GFI1: variants seen among roughly 807,000 people sequenced by gnomAD.
GFI1 encodes the protein growth factor independent 1 transcriptional repressor.
GFI1 carries 15 observed loss-of-function variants against 39.2 expected under a neutral mutation model. That is an observed-to-expected ratio of 0.38 (90% confidence interval 0.26 to 0.59). The LOEUF (loss-of-function observed/expected upper bound fraction) is 0.59. GFI1 is among the 20% of genes least tolerant of loss of function. GFI1 has a pLI of 0.62. For synonymous variants in GFI1, 239 were observed against 254.3 expected (o/e 0.94, Z 0.57); for missense variants, 475 against 574.0 (o/e 0.83, Z 1.76).
rs1433003584 is a variant in GFI1, at chr1:92,483,671, G to A, written c.-99-85C>T. ...GGGCACCCAGGCGGAGGGAGAGCGC[G>A]GGCCAGGGAGGCGCGCAGAGGGCCC... On this transcript the variant is annotated intron_variant, in intron 1 of 6. Transcript: ENST00000294702. The A allele has an allele frequency of 6.2e-6, 4 of 649,870 alleles. No homozygotes were observed. The African/African-American group carries it at 7.2e-5, about 12-fold the overall frequency. 40.3% of individuals were successfully genotyped at this position (649,870 alleles called of 1,614,324 possible). A position where few individuals can be genotyped will look rare whatever the true frequency, so the allele number is the denominator to read the frequency against.
rs1025002090 is a variant in GFI1 at position 92,484,469 on chromosome 1, T to A, written c.-99-883A>T. 2 of 151,784 alleles carry A rather than the reference T, an allele frequency of 1.3e-5. No homozygotes were observed. The highest frequency in any genetic ancestry group is 4.8e-5 in the African/African-American group (2 of 41,244). The allele number at this position is 151,784 out of a possible 1,614,324, so 9.4% of individuals were successfully genotyped here. A position where few individuals can be genotyped will look rare whatever the true frequency, so the allele number is the denominator to read the frequency against. ...ACCAAAAAATCTTGTCCTAGGGAGG[T>A]GGAGCCCGATCCACGAACGTTGACT... On this transcript the variant is annotated intron_variant, in intron 1 of 6. Transcript: ENST00000294702. The surrounding 1 kb of genome is among the most constrained non-coding windows in gnomAD (Gnocchi z 4.1).
rs753906711 is a variant in GFI1, at chr1:92,480,697, G to T, written c.690C>A (p.His230Gln). 1.9e-6 allele frequency: 3 copies of T among 1,596,080 alleles called. No homozygotes were observed. The highest frequency in any genetic ancestry group is 1.7e-5 in the Admixed American group (1 of 59,632). Residue 230 changes from histidine to glutamine, a missense_variant, in exon 4 of 7, where the codon CAC becomes CAA. Coordinates refer to ENST00000294702, the MANE Select transcript of GFI1 (RefSeq NM_005263.5). The surrounding 1 kb of genome is among the most constrained non-coding windows in gnomAD (Gnocchi z 5.6). The stretch of plus-strand genomic sequence containing the variant: ...CCTTGACGCCAGCGCCCTTGTCTGC[G>T]TGCAGCCCGTGGCCACGCTCGGGGT... ...LLYPERGHGLHADKGAGVKVE... is the reference protein window; with the variant it reads ...LLYPERGHGLQADKGAGVKVE...
Position 92,480,554 on chromosome 1 carries a change from G to A in GFI1, c.786+47C>T. The A allele has an allele frequency of 6.5e-7, 1 of 1,543,346 alleles. No individual in the cohort carries two copies. The highest frequency in any genetic ancestry group is 8.7e-7 in the Non-Finnish European group (1 of 1,145,420). On this transcript the variant is annotated intron_variant, in intron 4 of 6. Transcript: ENST00000294702. This position sits in a 1 kb window ranked among gnomAD's most constrained non-coding sequence, Gnocchi z 5.6. ...CGGGGCGCAGGCGAGGCGCGGGTAG[G>A]GGAAGCGGGCGCACGGCAGGCGAGG...
chr1:92,485,382 G>A (rs1232784177), intron 1 of GFI1, among the ~76,000 whole-genome samples: 1 of 152,234 alleles, frequency 6.6e-6, no homozygotes, highest in African/African-American at 2.4e-5. Context: ...TTGGACCCAC[G>A]TTGGCTGGGA....
In GFI1 at chr1:92,484,193, A is replaced by G. The variant is rs943797625; in HGVS notation, c.-99-607T>C. 4.2e-4 allele frequency among the ~76,000 whole-genome samples: 64 copies of G among 152,300 alleles called. 2 individuals are homozygous for G. Among genetic ancestry groups the G allele is most frequent in the Admixed American group, 3.9e-3 (60 of 15,298 alleles). The stretch of plus-strand genomic sequence containing the variant: ...AGAGGGATTGGGGACAGCAGAGGCC[A>G]GAGAAAGGAGGTGGGAGAGCAAAGG... On this transcript the variant is annotated intron_variant, in intron 1 of 6. Coordinates refer to ENST00000294702, the MANE Select transcript of GFI1 (RefSeq NM_005263.5). This position sits in a 1 kb window ranked among gnomAD's most constrained non-coding sequence, Gnocchi z 4.1.
rs955458164 is a variant in GFI1, at chr1:92,481,800, T to C, written c.299-712A>G. ...CGGGGAACCTGAATTTCTCAGAGAATAACTATAACTCATAAGGTTTAGCCA... is the reference window on the plus strand; with the variant it reads ...CGGGGAACCTGAATTTCTCAGAGAACAACTATAACTCATAAGGTTTAGCCA... On this transcript the variant is annotated intron_variant, in intron 3 of 6. Coordinates refer to ENST00000294702, the MANE Select transcript of GFI1 (RefSeq NM_005263.5). This position sits in a 1 kb window ranked among gnomAD's most constrained non-coding sequence, Gnocchi z 4.3. Among the ~76,000 whole-genome samples, 1 of 152,128 alleles carries C rather than the reference T, an allele frequency of 6.6e-6. No individual in the cohort carries two copies. The highest frequency in any genetic ancestry group is 2.4e-5 in the African/African-American group (1 of 41,408).
At position 92,483,462 on chromosome 1, in the gene GFI1, C is replaced by A. The variant is rs903626943; in HGVS notation, c.26G>T (p.Ser9Ile). 1 of 1,611,246 alleles carries A rather than the reference C, an allele frequency of 6.2e-7. No individual in the cohort carries two copies. Among genetic ancestry groups the A allele is most frequent in the African/African-American group, 1.3e-5 (1 of 74,844 alleles). The change falls in exon 2 of 7, where the codon AGC becomes ATC. Residue 9 changes from serine to isoleucine, a missense_variant. By Grantham distance (142) the Ser-to-Ile change is moderately radical (BLOSUM62 -2). This residue lies in a region of GFI1 where 275 missense variants were observed against 275.8 expected (regional missense o/e 1.00). Coordinates refer to ENST00000294702, the MANE Select transcript of GFI1 (RefSeq NM_005263.5). MPRSFLVKSKKAHSYHQPR... is the reference protein window; with the variant it reads MPRSFLVKIKKAHSYHQPR... ...CTGGTGGTAGCTGTGAGCCTTCTTGCTTTTGACGAGAAATGAGCGCGGCAT... is the reference window on the plus strand; with the variant it reads ...CTGGTGGTAGCTGTGAGCCTTCTTGATTTTGACGAGAAATGAGCGCGGCAT...
rs1658455011 is a variant in GFI1, at chr1:92,484,929, T to C, written c.-99-1343A>G. ...CTGCAGTCCTCCGGCTTCGCGCTGT[T>C]TCCACTGCCGGACTAGGAGCCCCTC... On this transcript the variant is annotated intron_variant, in intron 1 of 6. Coordinates refer to ENST00000294702, the MANE Select transcript of GFI1 (RefSeq NM_005263.5). This position sits in a 1 kb window ranked among gnomAD's most constrained non-coding sequence, Gnocchi z 4.1. 6.6e-6 allele frequency among the ~76,000 whole-genome samples: 1 copy of C among 152,196 alleles called. No homozygotes were observed. The highest frequency in any genetic ancestry group is 2.4e-5 in the African/African-American group (1 of 41,448).
rs1351430854 is a variant in GFI1 at position 92,480,781 on chromosome 1, G to A, written c.606C>T (p.Asp202=). 8.1e-6 allele frequency: 13 copies of A among 1,599,564 alleles called. No individual in the cohort carries two copies. The highest frequency in any genetic ancestry group is 1.1e-5 in the Non-Finnish European group (13 of 1,177,130). ...TAGPGLGLYG[D]FGSAAAGLYE... Reference sequence around the variant, plus strand: ...ACAGCCCGGCTGCCGCAGACCCGAAGTCGCCGTAGAGCCCTAGGCCAGGGC... The same window carrying A: ...ACAGCCCGGCTGCCGCAGACCCGAAATCGCCGTAGAGCCCTAGGCCAGGGC... The change falls in exon 4 of 7, where the codon GAC becomes GAT. Residue 202 remains aspartate, a synonymous_variant. Coordinates refer to ENST00000294702, the MANE Select transcript of GFI1 (RefSeq NM_005263.5). The surrounding 1 kb of genome is among the most constrained non-coding windows in gnomAD (Gnocchi z 5.6).
At chr1:92,478,895 C>T in intron 5 of GFI1, 142 bp from the exon 6 acceptor site, 4 of 1,127,056 alleles carry the variant, frequency 3.5e-6, no homozygotes, top group Non-Finnish European at 5.1e-6. Context: ...TTGAGACAGT[C>T]TCCTCTGTCG....
At chr1:92,479,039 T>C (rs1658100918) in intron 5 of GFI1, among the ~76,000 whole-genome samples, 1 of 152,176 alleles carries the variant, frequency 6.6e-6, no homozygotes, top group East Asian at 1.9e-4. Context: ...CTAATTTTTG[T>C]ATTTTTAGTA....
chr1:92,484,340 C>G lies in GFI1; in HGVS notation c.-99-754G>C, dbSNP rs1461414394. The G allele has an allele frequency of 1.3e-5, 2 of 152,696 alleles. No homozygotes were observed. Among genetic ancestry groups the G allele is most frequent in the Non-Finnish European group, 2.9e-5 (2 of 68,472 alleles). 9.5% of individuals were successfully genotyped at this position (152,696 alleles called of 1,614,324 possible). Reference sequence around the variant, plus strand: ...AGGAGAAACTTTGCCCTTGGACTCCCGGCTGCGGCGGGCACCGGTCGAGGC... The same window carrying G: ...AGGAGAAACTTTGCCCTTGGACTCCGGGCTGCGGCGGGCACCGGTCGAGGC... On this transcript the variant is annotated intron_variant, in intron 1 of 6. Coordinates refer to ENST00000294702, the MANE Select transcript of GFI1 (RefSeq NM_005263.5). The surrounding 1 kb of genome is among the most constrained non-coding windows in gnomAD (Gnocchi z 4.1).
At chr1:92,479,734 T>A (rs749226492) in intron 5 of GFI1, among the ~76,000 whole-genome samples, 3 of 152,070 alleles carry the variant, frequency 2.0e-5, no homozygotes, top group Non-Finnish European at 2.9e-5. Flanking sequence ...GCGCCTGTAA[T>A]CCCAGCTACT....
intron 5 of GFI1, 76 bp from the exon 6 acceptor site, chr1:92,478,829 C>T: frequency 2.6e-6 from 4 of 1,564,300 alleles, no homozygotes; most frequent in South Asian, 1.1e-5. Flanking sequence ...TAGACTGCTG[C>T]TCTCCTCACC....
Position 92,481,187 on chromosome 1 carries a change from G to T in GFI1, c.299-99C>A. The T allele has an allele frequency of 9.5e-7, 1 of 1,053,938 alleles. No homozygotes were observed. The highest frequency in any genetic ancestry group is 1.4e-5 in the South Asian group (1 of 74,000). The allele number at this position is 1,053,938 out of a possible 1,614,324, so 65.3% of individuals were successfully genotyped here. ...GCGTGGCGTGTTCGCGGACTGCGGGGCACCCAGCGCTTGTAGAACACTGCG... is the reference window on the plus strand; with the variant it reads ...GCGTGGCGTGTTCGCGGACTGCGGGTCACCCAGCGCTTGTAGAACACTGCG... On this transcript the variant is annotated intron_variant, in intron 3 of 6. Coordinates refer to ENST00000294702, the MANE Select transcript of GFI1 (RefSeq NM_005263.5). This position sits in a 1 kb window ranked among gnomAD's most constrained non-coding sequence, Gnocchi z 4.3.
At position 92,480,295 on chromosome 1, in the gene GFI1, G is replaced by C; in HGVS notation, c.924+53C>G. 6.5e-6 allele frequency: 10 copies of C among 1,529,338 alleles called. No homozygotes were observed. In the South Asian group the frequency reaches 1.1e-4, roughly 16 times the overall value. 94.7% of individuals were successfully genotyped at this position (1,529,338 alleles called of 1,614,324 possible). On this transcript the variant is annotated intron_variant, in intron 5 of 6. Transcript: ENST00000294702. The surrounding 1 kb of genome is among the most constrained non-coding windows in gnomAD (Gnocchi z 5.6). ...AGAGTGGCTGGTGCTGCACCGAGGA[G>C]ATGCAGAAGATCCCCGAGCAGGGCC...
Position 92,480,700 on chromosome 1 carries a change from C to T in GFI1, c.687G>A (p.Leu229=). 6.3e-7 allele frequency: 1 copy of T among 1,595,984 alleles called. No homozygotes were observed. Residue 229 remains leucine, a synonymous_variant, in exon 4 of 7, where the codon CTG becomes CTA. Coordinates refer to ENST00000294702, the MANE Select transcript of GFI1 (RefSeq NM_005263.5). This position sits in a 1 kb window ranked among gnomAD's most constrained non-coding sequence, Gnocchi z 5.6. ...GLLYPERGHG[L]HADKGAGVKV... ...TGACGCCAGCGCCCTTGTCTGCGTG[C>T]AGCCCGTGGCCACGCTCGGGGTACA... is the stretch of plus-strand genomic sequence containing the variant.
rs1327342546 is a variant in GFI1, at chr1:92,484,526, C to G, written c.-99-940G>C. 1.3e-5 allele frequency: 2 copies of G among 152,324 alleles called. No homozygotes were observed. The highest frequency in any genetic ancestry group is 4.8e-5 in the African/African-American group (2 of 41,458). 9.4% of individuals were successfully genotyped at this position (152,324 alleles called of 1,614,324 possible). ...TGCTAGGTGTCCCGAGTCGGTAGTG[C>G]ACCGACAATTTAGCAGACAAAAAAG... On this transcript the variant is annotated intron_variant, in intron 1 of 6. Coordinates refer to ENST00000294702, the MANE Select transcript of GFI1 (RefSeq NM_005263.5). This position sits in a 1 kb window ranked among gnomAD's most constrained non-coding sequence, Gnocchi z 4.1.
intron 1 of GFI1, among the ~76,000 whole-genome samples, chr1:92,486,320 G>C (rs1018465677): frequency 6.6e-6 from 1 of 152,204 alleles, no homozygotes; most frequent in East Asian, 1.9e-4. Flanking sequence ...CTCTCCCTGT[G>C]GGTCGGCAGG....
Sources: allele counts gnomAD v4.1 joint callset (sites outside exome capture counted in the v4.1 genomes callset), GRCh38; gene constraint gnomAD v4.1.1; regional missense constraint gnomAD v4.1.1; non-coding constraint Gnocchi (gnomAD v3.1); transcripts MANE v1.5; gene names NCBI Gene and HGNC (gene_info 2026-07-23, HGNC 2026-07-21).